DPP10: variants seen among roughly 807,000 people sequenced by gnomAD.
DPP10 encodes dipeptidyl peptidase like 10.
In DPP10, 33 loss-of-function variants were observed where a neutral mutation model predicts 120.9. The ratio of observed to expected loss-of-function variants is 0.27; its 90% CI spans 0.21 to 0.37. The LOEUF is 0.37. Ranked by LOEUF, DPP10 falls within the 10% of genes least tolerant of loss-of-function variation. The pLI, the probability that DPP10 is intolerant of heterozygous loss-of-function variation, is 1.00. For synonymous variants in DPP10, 337 were observed against 326.1 expected, an observed-to-expected ratio of 1.03 and a Z score of -0.36; for missense variants, 816 against 942.8, an observed-to-expected ratio of 0.87 and a Z score of 1.76.
Position 115,836,223 on chromosome 2 carries a change from G to A in DPP10, c.2017G>A (p.Val673Met), listed in dbSNP as rs764715614. 1.3e-5 allele frequency: 21 copies of A among 1,608,930 alleles called. No homozygotes were observed. The East Asian group carries it at 3.4e-4, about 26-fold the overall frequency. The change falls in exon 22 of 26, where the codon GTG becomes ATG. Residue 673 changes from valine (V) to methionine (M), a missense_variant. Physicochemically the swap from Val to Met is conservative, Grantham distance 21. Coordinates refer to ENST00000410059, the MANE Select transcript of DPP10 (RefSeq NM_020868.6). Reference protein sequence around the residue: ...SDEKLFKCGSVVAPITDLKLY... With the variant: ...SDEKLFKCGSMVAPITDLKLY... ...TGAAAAGCTTTTTAAATGTGGATCC[G>A]TGGTTGCACCTATCACAGACTTGAA... is the stretch of plus-strand genomic sequence containing the variant.
chr2:114,786,080 A>G (rs1682743167), intron 1 of DPP10, among the ~76,000 whole-genome samples: 1 of 152,220 alleles, frequency 6.6e-6, no homozygotes, highest in African/African-American at 2.4e-5. Flanking sequence ...CAAGAGCAGC[A>G]GCTTAATCAG....
chr2:115,231,228 T>C (rs180842567), intron 1 of DPP10, among the ~76,000 whole-genome samples: 1 of 152,134 alleles, frequency 6.6e-6, no homozygotes, highest in African/African-American at 2.4e-5. Context: ...TAATCTAAGT[T>C]ATGAAGCCTA....
chr2:115,666,424 C>G (rs1454790464), intron 5 of DPP10, among the ~76,000 whole-genome samples: 1 of 152,126 alleles, frequency 6.6e-6, no homozygotes, highest in Non-Finnish European at 1.5e-5. Context: ...ACGAGAACAT[C>G]ATGGAAGAAA....
At chr2:115,409,756 C>T (rs958788774) in intron 3 of DPP10, among the ~76,000 whole-genome samples, 4 of 152,158 alleles carry the variant, frequency 2.6e-5, no homozygotes, top group Non-Finnish European at 5.9e-5. Context: ...AATGTGGAAC[C>T]ACCCTAAATG....
At chr2:114,793,756 C>T (rs540632497) in intron 1 of DPP10, among the ~76,000 whole-genome samples, 12 of 152,260 alleles carry the variant, frequency 7.9e-5, no homozygotes, top group Admixed American at 3.3e-4. Flanking sequence ...TTGATGCATG[C>T]GGAGACTTCC....
intron 3 of DPP10, among the ~76,000 whole-genome samples, chr2:115,476,757 C>T (rs1426265753): frequency 6.6e-6 from 1 of 152,058 alleles, no homozygotes; most frequent in African/African-American, 2.4e-5. Context: ...AATACTGTTA[C>T]AGAAATACTC....
intron 1 of DPP10, among the ~76,000 whole-genome samples, chr2:114,556,569 G>A (rs1244502500): frequency 2.2e-4 from 34 of 152,086 alleles, no homozygotes; most frequent in Admixed American, 2.2e-3. Context: ...AGGATGTGAA[G>A]TAAATAGATA....
intron 5 of DPP10, among the ~76,000 whole-genome samples, chr2:115,544,183 A>T (rs1305082200): frequency 6.6e-6 from 1 of 152,066 alleles, no homozygotes; most frequent in Non-Finnish European, 1.5e-5. Context: ...CATAATAAAA[A>T]TGAAAATTTC....
intron 1 of DPP10, among the ~76,000 whole-genome samples, chr2:114,778,337 G>A (rs568822361): frequency 3.8e-4 from 57 of 151,108 alleles, no homozygotes; most frequent in African/African-American, 1.4e-3. Context: ...GCCGAGACCT[G>A]CACTTTCATA....
intron 1 of DPP10, among the ~76,000 whole-genome samples, chr2:114,790,591 G>A (rs1288190425): frequency 1.3e-5 from 2 of 152,054 alleles, no homozygotes; most frequent in Non-Finnish European, 2.9e-5. Flanking sequence ...GGAGATAAAG[G>A]TGGGGCCGTT....
chr2:115,276,389 G>A (rs1230210236), intron 1 of DPP10, among the ~76,000 whole-genome samples: 1 of 152,038 alleles, frequency 6.6e-6, no homozygotes, highest in East Asian at 1.9e-4. Flanking sequence ...CACATTATAT[G>A]GGCTAATTTT....
chr2:115,548,733 A>G (rs991807446), intron 5 of DPP10, among the ~76,000 whole-genome samples: 3 of 152,180 alleles, frequency 2.0e-5, no homozygotes, highest in Non-Finnish European at 2.9e-5. Flanking sequence ...TGATATGTCC[A>G]TGATATAAAC....
At chr2:114,940,556 CAAAA>C (rs765537282) in intron 1 of DPP10, among the ~76,000 whole-genome samples, 1 of 107,212 alleles carries the variant, frequency 9.3e-6, no homozygotes. Flanking sequence ...GACCACTCAG[CAAAA>C]AAAAAAAAAA....
chr2:114,578,017 A>G (rs1247446100), intron 1 of DPP10, among the ~76,000 whole-genome samples: 1 of 152,226 alleles, frequency 6.6e-6, no homozygotes, highest in Non-Finnish European at 1.5e-5. Flanking sequence ...GTTGAACTTC[A>G]AAATATAAAT....
intron 8 of DPP10, among the ~76,000 whole-genome samples, chr2:115,738,160 T>C (rs967662838): frequency 6.6e-6 from 1 of 152,160 alleles, no homozygotes; most frequent in African/African-American, 2.4e-5. Flanking sequence ...TGTCTTACCC[T>C]AAAAGAGCAA....
chr2:115,133,985 G>A (rs1273181030), intron 1 of DPP10, among the ~76,000 whole-genome samples: 1 of 152,150 alleles, frequency 6.6e-6, no homozygotes, highest in Non-Finnish European at 1.5e-5. Context: ...CAGACAACTG[G>A]TTATGATGAA....
At chr2:115,311,076 C>T (rs2106033843) in intron 2 of DPP10, among the ~76,000 whole-genome samples, 1 of 152,276 alleles carries the variant, frequency 6.6e-6, no homozygotes, top group Admixed American at 6.5e-5. Context: ...TATAAAACCA[C>T]AGTGATGAAC....
At chr2:115,353,866 AT>A (rs929909797) in intron 3 of DPP10, among the ~76,000 whole-genome samples, 5 of 152,124 alleles carry the variant, frequency 3.3e-5, no homozygotes, top group African/African-American at 9.6e-5. Flanking sequence ...TTTCAAGTGA[AT>A]TTTTTTTATT....
rs1271243621 is a variant in DPP10 at position 115,435,719 on chromosome 2, C to G, written c.272-63791C>G. On this transcript the variant is annotated intron_variant, in intron 3 of 25. Transcript: ENST00000410059. ...TTTGGCTTGATTTAATCCCATTTGT[C>G]TATGTTGCTTTGCTTTTGTTGCCTA... is the stretch of plus-strand genomic sequence containing the variant. Among the ~76,000 whole-genome samples the G allele has an allele frequency of 2.6e-5, 4 of 151,720 alleles. No individual in the cohort carries two copies. In the South Asian group the frequency reaches 8.3e-4, roughly 31 times the overall value.
Sources: allele counts gnomAD v4.1 joint callset (sites outside exome capture counted in the v4.1 genomes callset), GRCh38; gene constraint gnomAD v4.1.1; transcripts MANE v1.5; gene names NCBI Gene and HGNC (gene_info 2026-07-23, HGNC 2026-07-21).